Variants in ACTN3 observed in about 807,000 individuals in gnomAD.
ACTN3 encodes the protein alpha-actinin-3.
ACTN3 carries 91 observed loss-of-function variants against 119.6 expected under a neutral mutation model. That is an observed-to-expected ratio of 0.76 (90% confidence interval 0.64 to 0.91). The LOEUF (loss-of-function observed/expected upper bound fraction) is 0.91, where lower values mean the gene tolerates loss of function less well. Among genes scored for constraint, ACTN3 ranks in the 40% least tolerant of loss-of-function variants. The pLI is 0.00. For missense variants in ACTN3, 1,221 were observed against 1,215.1 expected (o/e 1.00, Z -0.07); for synonymous variants, 456 against 478.8 (o/e 0.95, Z 0.62).
intron 11 of ACTN3, 22 bp from the exon 12 acceptor site, chr11:66,559,214 G>A (rs1334492407): frequency 4.1e-6 from 6 of 1,472,930 alleles, no homozygotes; most frequent in East Asian, 2.7e-5. Flanking sequence ...TGGGTGACCG[G>A]AGCCGGCATC....
chr11:66,549,455 G>A (rs1857428481), intron 1 of ACTN3, among the ~76,000 whole-genome samples: 3 of 152,148 alleles, frequency 2.0e-5, no homozygotes, highest in African/African-American at 4.8e-5. Flanking sequence ...GTTTGGGCTG[G>A]GAGTGGTGGC....
At position 66,554,026 on chromosome 11, in the gene ACTN3, C is replaced by T; in HGVS notation, c.383-19C>T. On this transcript the variant is annotated intron_variant, in intron 3 of 20. Transcript: ENST00000513398. The stretch of plus-strand genomic sequence containing the variant: ...CCTTGAATGCCAGGCAAATCTGTCC[C>T]CTGACCCCTGCCCTGCAGAGATTGT... The T allele has an allele frequency of 1.2e-6, 2 of 1,612,136 alleles. No individual in the cohort carries two copies. Among genetic ancestry groups the T allele is most frequent in the South Asian group, 2.2e-5 (2 of 90,980 alleles).
At chr11:66,547,153 C>G (rs1430018187) in intron 1 of ACTN3, 69 bp downstream of exon 1, 25 of 1,430,312 alleles carry the variant, frequency 1.7e-5, no homozygotes, top group Non-Finnish European at 2.3e-5. Flanking sequence ...TCCTGGGCAT[C>G]TCAGCAGTGC....
rs747126112 is a variant in ACTN3, at chr11:66,547,017, T to C, written c.80T>C (p.Met27Thr). ...FAGGGGGGEY[M>T]EQEEDWDRDL... ...GGCGGCGGCGGGGGCGGCGAGTACA[T>C]GGAACAGGAGGAGGACTGGGACCGC... is the stretch of plus-strand genomic sequence containing the variant. Residue 27 changes from methionine (M) to threonine (T), a missense_variant, in exon 1 of 21, where the codon ATG becomes ACG. This residue lies in a region of ACTN3 where 239 missense variants were observed against 231.8 expected (regional missense o/e 1.03). Transcript: ENST00000513398. 5 of 1,524,784 alleles carry C rather than the reference T, an allele frequency of 3.3e-6. No individual in the cohort carries two copies. Among genetic ancestry groups the C allele is most frequent in the Non-Finnish European group, 4.4e-6 (5 of 1,140,438 alleles). The allele number at this position is 1,524,784 out of a possible 1,614,324, so 94.5% of individuals were successfully genotyped here.
chr11:66,561,970 A>T, intron 17 of ACTN3, 52 bp from the exon 18 acceptor site: 4 of 1,557,614 alleles, frequency 2.6e-6, no homozygotes, highest in Non-Finnish European at 3.5e-6. Flanking sequence ...AGCTAGAGCC[A>T]GTGGCCAGGC....
rs1671064 is a variant in ACTN3, at chr11:66,560,202, G to A, written c.1568G>A (p.Arg523Gln). ...RMEKLLETIDRLQLEFARRAA... is the reference protein window; with the variant it reads ...RMEKLLETIDQLQLEFARRAA... ...GAGAAGCTCCTGGAGACCATTGACC[G>A]GCTGCAACTGGAGTTTGCCCGGCGG... The change falls in exon 14 of 21, where the codon CGG becomes CAG. Residue 523 changes from arginine (R) to glutamine (Q), a missense_variant. Around this residue, in one of 3 missense-constraint regions of ACTN3, gnomAD observed 934 missense variants for 899.9 expected, o/e 1.04. Coordinates refer to ENST00000513398, the MANE Select transcript of ACTN3 (RefSeq NM_001104.4). 0.56 allele frequency: 892,678 copies of A among 1,608,268 alleles called. 252,795 individuals are homozygous for A. The highest frequency in any genetic ancestry group is 0.8 in the African/African-American group (60,041 of 74,884).
intron 11 of ACTN3, among the ~76,000 whole-genome samples, chr11:66,558,539 T>C (rs1023680407): frequency 3.9e-5 from 6 of 152,192 alleles, no homozygotes; most frequent in Non-Finnish European, 8.8e-5. Flanking sequence ...AGTAACTTTT[T>C]GTACTTTTTG....
chr11:66,563,236 C>A lies in ACTN3; in HGVS notation c.*43C>A. 1 of 1,546,604 alleles carries A rather than the reference C, an allele frequency of 6.5e-7. No homozygotes were observed. The highest frequency in any genetic ancestry group is 8.7e-7 in the Non-Finnish European group (1 of 1,144,160). The stretch of plus-strand genomic sequence containing the variant: ...CTCTATGCAAGATGGAGAGAGGATG[C>A]ACCCTGTGGCTGATCCCATCCGTCC... On this transcript the variant is annotated 3_prime_UTR_variant, in exon 21 of 21. Coordinates refer to ENST00000513398, the MANE Select transcript of ACTN3 (RefSeq NM_001104.4).
At chr11:66,551,728 T>C in intron 3 of ACTN3, 81 bp downstream of exon 3, 1 of 1,569,496 alleles carries the variant, frequency 6.4e-7, no homozygotes, top group Non-Finnish European at 8.7e-7. Flanking sequence ...TGAGCCTCAG[T>C]TTCCTCATCT....
At chr11:66,559,432 C>G in intron 12 of ACTN3, 46 bp downstream of exon 12, 1 of 1,409,686 alleles carries the variant, frequency 7.1e-7, no homozygotes, top group Non-Finnish European at 9.2e-7. Flanking sequence ...CCCGGCCCCG[C>G]CCCCGGTGGC....
Position 66,561,515 on chromosome 11 carries a change from C to T in ACTN3, c.2053C>T (p.Leu685=), listed in dbSNP as rs746940916. ...AGSLEEQMAG[L]RQQEQNIINY... ...CTCTCTGGAGGAGCAGATGGCTGGG[C>T]TACGGCAGCAGGAGCAGAACATTAT... The change falls in exon 17 of 21, where the codon CTA becomes TTA. Residue 685 remains leucine (L), a synonymous_variant. Transcript: ENST00000513398. 13 of 1,606,496 alleles carry T rather than the reference C, an allele frequency of 8.1e-6. No homozygotes were observed. The highest frequency in any genetic ancestry group is 1.1e-5 in the Non-Finnish European group (13 of 1,176,630).
rs199762276 is a variant in ACTN3, at chr11:66,551,265, C to T, written c.174C>T (p.His58=). Residue 58 remains histidine, a synonymous_variant, in exon 2 of 21, where the codon CAC becomes CAT. Coordinates refer to ENST00000513398, the MANE Select transcript of ACTN3 (RefSeq NM_001104.4). ...RKTFTAWCNS[H]LRKAGTQIEN... ...CCTTCACTGCCTGGTGCAACTCACA[C>T]CTGCGCAAGGCAGGCACCCAGATCG... The T allele has an allele frequency of 8.6e-5, 139 of 1,611,752 alleles. No homozygotes were observed. Among genetic ancestry groups the T allele is most frequent in the Admixed American group, 1.8e-4 (11 of 59,702 alleles).
chr11:66,546,488 G>T, upstream of ACTN3: 2 of 1,519,074 alleles, frequency 1.3e-6, no homozygotes, highest in Non-Finnish European at 1.8e-6. Context: ...ACAGCTCGGC[G>T]CCTCTGTGTT....
intron 3 of ACTN3, among the ~76,000 whole-genome samples, chr11:66,553,429 C>A (rs1161630345): frequency 6.6e-6 from 1 of 151,774 alleles, no homozygotes; most frequent in East Asian, 1.9e-4. Context: ...GGTGGTGCAG[C>A]CTGTAGTCCC....
intron 11 of ACTN3, 44 bp downstream of exon 11, chr11:66,558,218 G>A (rs765168158): frequency 6.2e-7 from 1 of 1,603,656 alleles, no homozygotes; most frequent in Non-Finnish European, 8.5e-7. Context: ...TCTTGGGGTG[G>A]AGATTGGTGT....
intron 8 of ACTN3, 108 bp downstream of exon 8, chr11:66,556,338 GC>G: frequency 9.6e-7 from 1 of 1,045,886 alleles, no homozygotes; most frequent in Non-Finnish European, 1.4e-6. Flanking sequence ...GTGCCACTGT[GC>G]CAGCTGCACA....
Position 66,555,364 on chromosome 11 carries a change from G to C in ACTN3, c.715G>C (p.Glu239Gln). Residue 239 changes from glutamate (E) to glutamine (Q), a missense_variant, in exon 7 of 21, where the codon GAA (glutamate) becomes CAA (glutamine). Around this residue, in one of 3 missense-constraint regions of ACTN3, gnomAD observed 934 missense variants for 899.9 expected, o/e 1.04. Transcript: ENST00000513398. ...GGACATCCCCAAGATGTTGGATGCA[G>C]AAGGTGAGAGTGAGCTAGCCCAGGG... ...YLDIPKMLDA[E>Q]DIVNTPKPDE... 1 of 1,614,116 alleles carries C rather than the reference G, an allele frequency of 6.2e-7. No homozygotes were observed. Among genetic ancestry groups the C allele is most frequent in the African/African-American group, 1.3e-5 (1 of 75,034 alleles).
In ACTN3 at chr11:66,554,565, T is replaced by C; in HGVS notation, c.499T>C (p.Trp167Arg). 1.2e-6 allele frequency: 2 copies of C among 1,611,826 alleles called. No homozygotes were observed. Among genetic ancestry groups the C allele is most frequent in the Non-Finnish European group, 1.7e-6 (2 of 1,178,928 alleles). ...CTCAGCCAAGGAAGGCTTGCTTCTG[T>C]GGTGCCAGAGGAAGACAGCACCGTA... ...ETSAKEGLLL[W>R]CQRKTAPYRN... The change falls in exon 5 of 21, where the codon TGG becomes CGG. Residue 167 changes from tryptophan (W) to arginine (R), a missense_variant. Transcript: ENST00000513398.
upstream of ACTN3, chr11:66,546,743 C>A (rs529919939): frequency 1.4e-4 from 216 of 1,535,772 alleles, no homozygotes; most frequent in African/African-American, 2.7e-3. Context: ...ACCCCGGCGC[C>A]CCCGAGTCCC....
Sources: allele counts gnomAD v4.1 joint callset (sites outside exome capture counted in the v4.1 genomes callset), GRCh38; gene constraint gnomAD v4.1.1; regional missense constraint gnomAD v4.1.1; transcripts MANE v1.5; gene names NCBI Gene and HGNC (gene_info 2026-07-23, HGNC 2026-07-21).